DGKB: variants seen among roughly 807,000 people sequenced by gnomAD.
DGKB encodes the protein 90 kDa diacylglycerol kinase.
A neutral mutation model predicts 114.3 loss-of-function variants in DGKB; 67 were observed. The observed-to-expected ratio is 0.59, with a 90% confidence interval of 0.48 to 0.72. DGKB has a LOEUF of 0.72. Among genes scored for constraint, DGKB ranks in the 30% least tolerant of loss-of-function variants. The pLI, the probability that DGKB is intolerant of heterozygous loss-of-function variation, is 0.00. For synonymous variants in DGKB, 398 were observed against 323.1 expected (o/e 1.23, Z -2.49); for missense variants, 907 against 975.2 (o/e 0.93, Z 0.93).
At chr7:14,677,090 A>C (rs1396738938) in intron 12 of DGKB, among the ~76,000 whole-genome samples, 2 of 151,964 alleles carry the variant, frequency 1.3e-5, no homozygotes, top group Non-Finnish European at 2.9e-5. Flanking sequence ...GTAGCACCTA[A>C]TTTAGAGCCA....
At position 14,496,292 on chromosome 7, in the gene DGKB, G is replaced by T. The variant is rs574950341; in HGVS notation, c.1771-18067C>A. 9.9e-5 allele frequency among the ~76,000 whole-genome samples: 15 copies of T among 151,766 alleles called. No homozygotes were observed. The South Asian group carries it at 2.3e-3, about 23-fold the overall frequency. ...ATTGCCTGAAGCAATTTGTTCTTGG[G>T]TTTTTATGAAGATAAACCTCAGTGG... On this transcript the variant is annotated intron_variant, in intron 20 of 25. Coordinates refer to ENST00000402815, the MANE Select transcript of DGKB (RefSeq NM_001350709.2).
chr7:14,771,854 T>C (rs965800851), intron 2 of DGKB, among the ~76,000 whole-genome samples: 1 of 152,134 alleles, frequency 6.6e-6, no homozygotes, highest in Non-Finnish European at 1.5e-5. Context: ...GGCACCCTTT[T>C]AGGTCTGATA....
intron 13 of DGKB, among the ~76,000 whole-genome samples, chr7:14,665,327 T>A (rs144385133): frequency 0.013 from 2,029 of 151,808 alleles, 22 homozygotes; most frequent in Non-Finnish European, 0.019. Context: ...GAGAGCTCGA[T>A]GATGAGAACA....
chr7:14,595,169 G>A (rs1802356694), intron 17 of DGKB, among the ~76,000 whole-genome samples: 1 of 152,058 alleles, frequency 6.6e-6, no homozygotes, highest in Non-Finnish European at 1.5e-5. Flanking sequence ...GGACAGAAGT[G>A]AGGAGAAATT....
At chr7:14,747,779 G>GCGCGCGCACACACACACA (rs1554636463) in intron 4 of DGKB, among the ~76,000 whole-genome samples, 11 of 148,604 alleles carry the variant, frequency 7.4e-5, no homozygotes, top group Middle Eastern at 7.0e-3. Flanking sequence ...CCACGCGCAC[G>GCGCGCGCACACACACACA]CACACACACA....
intron 14 of DGKB, 51 bp from the exon 15 acceptor site, chr7:14,621,545 T>C: frequency 8.9e-7 from 1 of 1,117,444 alleles, no homozygotes; most frequent in Non-Finnish European, 1.3e-6. Flanking sequence ...AATAACATAA[T>C]AAAATGTTAA....
At chr7:14,940,852 A>G (rs749124521) in intron 1 of DGKB, among the ~76,000 whole-genome samples, 17 of 152,190 alleles carry the variant, frequency 1.1e-4, no homozygotes, top group Middle Eastern at 3.4e-3. Context: ...CAGTTTAGAT[A>G]CGTAGCTTTG....
intron 9 of DGKB, among the ~76,000 whole-genome samples, chr7:14,687,800 T>C (rs1821987688): frequency 6.6e-6 from 1 of 152,202 alleles, no homozygotes; most frequent in Admixed American, 6.5e-5. Flanking sequence ...AGCTTCATCC[T>C]TTGAAGAGCA....
intron 23 of DGKB, among the ~76,000 whole-genome samples, chr7:14,279,088 A>C (rs1044695116): frequency 6.6e-6 from 1 of 152,198 alleles, no homozygotes; most frequent in African/African-American, 2.4e-5. Flanking sequence ...GGGGTCAGGG[A>C]GTTCCCTTTC....
At chr7:14,225,622 T>C (rs1200362477) in intron 23 of DGKB, among the ~76,000 whole-genome samples, 3 of 152,084 alleles carry the variant, frequency 2.0e-5, no homozygotes, top group Admixed American at 6.6e-5. Flanking sequence ...ATAATTCTTA[T>C]ATATAGATAT....
chr7:14,385,713 T>G (rs1345811554), intron 21 of DGKB, among the ~76,000 whole-genome samples: 5 of 152,182 alleles, frequency 3.3e-5, no homozygotes, highest in Non-Finnish European at 5.9e-5. Context: ...TGCATTGAAG[T>G]GTAATTAACA....
At chr7:14,671,189 G>A (rs1428019844) in intron 13 of DGKB, among the ~76,000 whole-genome samples, 2 of 152,084 alleles carry the variant, frequency 1.3e-5, no homozygotes, top group Non-Finnish European at 2.9e-5. Context: ...ACATAGGAGG[G>A]TAGAATCCAG....
chr7:14,731,498 T>C (rs1304913849), intron 5 of DGKB, among the ~76,000 whole-genome samples: 1 of 152,054 alleles, frequency 6.6e-6, no homozygotes, highest in Non-Finnish European at 1.5e-5. Context: ...AATAAATAAT[T>C]TTTACATTGT....
chr7:14,389,815 G>A (rs1426439993), intron 21 of DGKB, among the ~76,000 whole-genome samples: 1 of 152,158 alleles, frequency 6.6e-6, no homozygotes, highest in African/African-American at 2.4e-5. Context: ...GGATTTCTCT[G>A]GCTTACTGAA....
chr7:14,630,924 A>G (rs1809558584), intron 13 of DGKB, among the ~76,000 whole-genome samples: 1 of 151,782 alleles, frequency 6.6e-6, no homozygotes, highest in East Asian at 1.9e-4. Context: ...TTGACAAGAA[A>G]TGATAAAAGG....
intron 21 of DGKB, among the ~76,000 whole-genome samples, chr7:14,420,907 TG>T (rs1826564444): frequency 6.6e-6 from 1 of 152,038 alleles, no homozygotes; most frequent in South Asian, 2.1e-4. Flanking sequence ...CACCTCTCCA[TG>T]CCCAAGTGAC....
Position 14,324,292 on chromosome 7 carries a change from C to T in DGKB, c.2122+14223G>A, listed in dbSNP as rs182551746. On this transcript the variant is annotated intron_variant, in intron 23 of 25. Coordinates refer to ENST00000402815, the MANE Select transcript of DGKB (RefSeq NM_001350709.2). ...GGTGAAATTGTCTCTACTAAAAATA[C>T]AAAAATTAGCTAGGCATGGTGGCAT... Among the ~76,000 whole-genome samples, 168 of 151,790 alleles carry T rather than the reference C, an allele frequency of 1.1e-3. 1 individual carries two copies. Among genetic ancestry groups the T allele is most frequent in the African/African-American group, 3.9e-3 (161 of 41,394 alleles).
At chr7:14,568,384 G>A (rs974704564) in intron 20 of DGKB, among the ~76,000 whole-genome samples, 3 of 152,128 alleles carry the variant, frequency 2.0e-5, no homozygotes, top group African/African-American at 7.2e-5. Flanking sequence ...TACCTAGGCA[G>A]ACAAAATTTA....
intron 2 of DGKB, among the ~76,000 whole-genome samples, chr7:14,785,555 C>T (rs1158574059): frequency 6.6e-6 from 1 of 152,084 alleles, no homozygotes; most frequent in Non-Finnish European, 1.5e-5. Flanking sequence ...CTTTTGTCTG[C>T]AGAACTGAAA....
Sources: allele counts gnomAD v4.1 joint callset (sites outside exome capture counted in the v4.1 genomes callset), GRCh38; gene constraint gnomAD v4.1.1; transcripts MANE v1.5; gene names NCBI Gene and HGNC (gene_info 2026-07-23, HGNC 2026-07-21).